The following TMEM132D variants were observed in gnomAD, a reference collection of about 807,000 sequenced individuals.
The protein encoded by TMEM132D is transmembrane protein 132D.
TMEM132D carries 21 observed loss-of-function variants against 62.3 expected under a neutral mutation model. The observed-to-expected ratio is 0.34, with a 90% CI of 0.24 to 0.49. TMEM132D has a LOEUF of 0.49. TMEM132D is among the 20% of genes least tolerant of loss of function. The pLI is 0.99. For missense variants in TMEM132D, 1,346 were observed against 1,402.8 expected (o/e 0.96, Z 0.65); for synonymous variants, 621 against 575.6 (o/e 1.08, Z -1.13).
intron 5 of TMEM132D, among the ~76,000 whole-genome samples, chr12:129,174,422 G>T (rs2135547951): frequency 6.6e-6 from 1 of 152,236 alleles, no homozygotes; most frequent in African/African-American, 2.4e-5. Flanking sequence ...GTATTTTTAT[G>T]GTTGTGTATT....
chr12:129,127,602 C>A (rs113558345), intron 5 of TMEM132D, among the ~76,000 whole-genome samples: 103 of 152,298 alleles, frequency 6.8e-4, no homozygotes, highest in African/African-American at 2.2e-3. Context: ...TTAAAAAACA[C>A]GTCTCCATTT....
At chr12:129,452,837 AC>A (rs1341564508) in intron 3 of TMEM132D, among the ~76,000 whole-genome samples, 2 of 152,176 alleles carry the variant, frequency 1.3e-5, no homozygotes, top group Non-Finnish European at 2.9e-5. Context: ...ATCAGGTATA[AC>A]ATATAGTTTC....
intron 3 of TMEM132D, among the ~76,000 whole-genome samples, chr12:129,369,662 T>C (rs183985956): frequency 2.0e-3 from 301 of 152,374 alleles, no homozygotes; most frequent in Non-Finnish European, 3.6e-3. Context: ...TGGGGCTCTG[T>C]CTGCCAGAGG....
chr12:129,239,696 GC>G (rs1330905411), intron 4 of TMEM132D, among the ~76,000 whole-genome samples: 1 of 152,146 alleles, frequency 6.6e-6, no homozygotes, highest in African/African-American at 2.4e-5. Flanking sequence ...ACCAAGGAAT[GC>G]CAAAGATTGC....
At chr12:129,481,839 A>C (rs1417190175) in intron 3 of TMEM132D, among the ~76,000 whole-genome samples, 3 of 152,092 alleles carry the variant, frequency 2.0e-5, no homozygotes, top group Non-Finnish European at 4.4e-5. Context: ...GGCACCCCCT[A>C]TTCACACCAT....
chr12:129,844,078 G>A (rs1433053837), intron 1 of TMEM132D, among the ~76,000 whole-genome samples: 2 of 152,174 alleles, frequency 1.3e-5, no homozygotes, highest in African/African-American at 4.8e-5. Context: ...TCCAGCCTGG[G>A]TGGCAGAGTG....
At chr12:129,840,001 G>A (rs1165786337) in intron 1 of TMEM132D, 1 of 152,078 alleles carries the variant, frequency 6.6e-6, no homozygotes, top group Non-Finnish European at 1.5e-5. Context: ...ATGCACCCCT[G>A]ATCAGTAAAA....
At chr12:129,339,673 C>G (rs762277201) in intron 3 of TMEM132D, among the ~76,000 whole-genome samples, 3 of 152,186 alleles carry the variant, frequency 2.0e-5, no homozygotes, top group Non-Finnish European at 2.9e-5. Context: ...AATTAAGATG[C>G]TAGAATGCAC....
At chr12:129,334,511 C>G (rs1487388123) in intron 4 of TMEM132D, among the ~76,000 whole-genome samples, 1 of 152,202 alleles carries the variant, frequency 6.6e-6, no homozygotes, top group Non-Finnish European at 1.5e-5. Context: ...AGAACCACTA[C>G]CAATACAAAA....
At chr12:129,344,631 T>A (rs187908158) in intron 3 of TMEM132D, among the ~76,000 whole-genome samples, 29 of 152,262 alleles carry the variant, frequency 1.9e-4, no homozygotes, top group African/African-American at 6.7e-4. Flanking sequence ...CTCCTCTCAG[T>A]AAAGTCCCTC....
chr12:129,122,602 GC>G (rs1275550980), intron 5 of TMEM132D, among the ~76,000 whole-genome samples: 7 of 152,208 alleles, frequency 4.6e-5, no homozygotes, highest in African/African-American at 1.7e-4. Flanking sequence ...GGCATCAGAA[GC>G]TCGATTCCAG....
intron 1 of TMEM132D, among the ~76,000 whole-genome samples, chr12:129,769,392 A>G (rs1192477397): frequency 6.6e-6 from 1 of 152,120 alleles, no homozygotes; most frequent in Non-Finnish European, 1.5e-5. Flanking sequence ...ATCTCATGAG[A>G]CTTATTCACC....
rs532325378 is a variant in TMEM132D, at chr12:129,779,897, T to C, written c.80-79199A>G. On this transcript the variant is annotated intron_variant, in intron 1 of 8. Transcript: ENST00000422113. This position sits in a 1 kb window ranked among gnomAD's most constrained non-coding sequence, Gnocchi z 4.1. ...TGCAGGTGAAGCACATTACTATTTTTACCAACGTGCTTTTACGCATTGACT... is the reference window on the plus strand; with the variant it reads ...TGCAGGTGAAGCACATTACTATTTTCACCAACGTGCTTTTACGCATTGACT... Among the ~76,000 whole-genome samples the C allele has an allele frequency of 2.6e-5, 4 of 152,118 alleles. No homozygotes were observed. Among genetic ancestry groups the C allele is most frequent in the Non-Finnish European group, 5.9e-5 (4 of 68,036 alleles).
intron 4 of TMEM132D, among the ~76,000 whole-genome samples, chr12:129,311,197 CAAAAAAAAAAAAAAAAAAAAAAAAA>C (rs60836498): frequency 3.4e-5 from 1 of 29,670 alleles, no homozygotes; most frequent in African/African-American, 1.9e-4. Context: ...GACTCCGTCT[CAAAAAAAAAAAAAAAAAAAAAAAAA>C]AAAAAAAAAA....
intron 2 of TMEM132D, among the ~76,000 whole-genome samples, chr12:129,568,041 C>A (rs540794029): frequency 6.6e-6 from 1 of 152,222 alleles, no homozygotes; most frequent in African/African-American, 2.4e-5. Context: ...GTTTTCATTT[C>A]TCTCCCATTC....
At chr12:129,435,106 G>C (rs1184809883) in intron 3 of TMEM132D, among the ~76,000 whole-genome samples, 1 of 152,120 alleles carries the variant, frequency 6.6e-6, no homozygotes, top group Non-Finnish European at 1.5e-5. Context: ...TGACTATTGA[G>C]TCAATGTCTA....
chr12:129,453,323 T>G (rs1040273056), intron 3 of TMEM132D, among the ~76,000 whole-genome samples: 1 of 152,210 alleles, frequency 6.6e-6, no homozygotes, highest in Non-Finnish European at 1.5e-5. Context: ...CATGGGCTAC[T>G]GGCTTTTGCG....
intron 5 of TMEM132D, among the ~76,000 whole-genome samples, chr12:129,141,077 T>C (rs1056612569): frequency 6.6e-6 from 1 of 152,214 alleles, no homozygotes; most frequent in Non-Finnish European, 1.5e-5. Context: ...CTGAAGATCT[T>C]AAGTTGCATC....
chr12:129,557,291 T>C (rs1877089464), intron 2 of TMEM132D, among the ~76,000 whole-genome samples: 1 of 152,238 alleles, frequency 6.6e-6, no homozygotes, highest in Non-Finnish European at 1.5e-5. Flanking sequence ...ATTTTTTATC[T>C]GTGCTTATAG....
Sources: gnomAD v4.1 joint callset for allele counts (sites outside exome capture counted in the v4.1 genomes callset) on GRCh38, gnomAD v4.1.1 for gene constraint, Gnocchi (gnomAD v3.1) non-coding constraint, MANE v1.5 for transcripts, NCBI Gene and HGNC (gene_info 2026-07-23, HGNC 2026-07-21) for gene names.